PCSK6: variants seen among roughly 807,000 people sequenced by gnomAD.
PCSK6 encodes paired basic amino acid cleaving enzyme 4.
In PCSK6, 85 loss-of-function variants were observed where a neutral mutation model predicts 123.3. That is an observed-to-expected ratio of 0.69 (90% CI 0.58 to 0.83). The LOEUF is 0.83. PCSK6 is among the 40% of genes least tolerant of loss of function. PCSK6 has a pLI of 0.00. For missense variants in PCSK6, 1,191 were observed against 1,282.3 expected (o/e 0.93, Z 1.09); for synonymous variants, 508 against 516.0 (o/e 0.98, Z 0.21).
intron 13 of PCSK6, among the ~76,000 whole-genome samples, chr15:101,353,215 CA>C (rs147409785): frequency 0.018 from 2,686 of 152,306 alleles, 86 homozygotes; most frequent in African/African-American, 0.061. Context: ...GAGACAGTGA[CA>C]GATCATCAGG....
chr15:101,361,956 C>CTTT (rs10639429), intron 13 of PCSK6, among the ~76,000 whole-genome samples: 5,664 of 111,422 alleles, frequency 0.051, 655 homozygotes, highest in African/African-American at 0.14. Context: ...CAAGGTGAAG[C>CTTT]TTTTTTTTTT....
chr15:101,420,283 CA>C (rs144881549), intron 6 of PCSK6, among the ~76,000 whole-genome samples: 11,849 of 150,176 alleles, frequency 0.079, 569 homozygotes, highest in East Asian at 0.18. Flanking sequence ...AGAGGAAATA[CA>C]AAACAGGTTT....
In PCSK6 at chr15:101,438,373, G is replaced by T. The variant is rs569207638; in HGVS notation, c.402+5183C>A. On this transcript the variant is annotated intron_variant, in intron 2 of 21. Coordinates refer to ENST00000611716, the MANE Select transcript of PCSK6 (RefSeq NM_002570.5). ...TTCTAAAGTATTTACATAGAAAGAA[G>T]TTGCTTATGTTACACACAACTTGCT... Among the ~76,000 whole-genome samples, 3 of 152,316 alleles carry T rather than the reference G, an allele frequency of 2.0e-5. No homozygotes were observed. The South Asian group carries it at 6.2e-4, about 32-fold the overall frequency.
chr15:101,338,691 T>C (rs770604380), intron 13 of PCSK6, among the ~76,000 whole-genome samples: 3 of 152,208 alleles, frequency 2.0e-5, no homozygotes, highest in Non-Finnish European at 4.4e-5. Context: ...ACTAGCACCA[T>C]GAGTTCCTTA....
Position 101,334,245 on chromosome 15 carries a change from AGTT to A in PCSK6, c.1859-2217_1859-2215del, listed in dbSNP as rs567888105. 283 of 125,268 alleles carry A rather than the reference AGTT, an allele frequency of 2.3e-3. 1 individual carries two copies. Among genetic ancestry groups the A allele is most frequent in the African/African-American group, 8.2e-3 (268 of 32,574 alleles). The allele number at this position is 125,268 out of a possible 1,614,324, so 7.8% of individuals were successfully genotyped here. ...TCACCGCTGCAGCAGTGACACAGGA[AGTT>A]GTTCTCACCGCTGCAGCAGTGACAC... On this transcript the variant is annotated intron_variant, in intron 13 of 21. Coordinates refer to ENST00000611716, the MANE Select transcript of PCSK6 (RefSeq NM_002570.5).
intron 2 of PCSK6, among the ~76,000 whole-genome samples, chr15:101,433,414 C>T (rs2056506649): frequency 1.3e-5 from 2 of 152,220 alleles, no homozygotes; most frequent in African/African-American, 4.8e-5. Context: ...CTTACCACGG[C>T]AGCTCCACCT....
At chr15:101,385,320 C>T (rs1596268634) in intron 9 of PCSK6, among the ~76,000 whole-genome samples, 1 of 152,130 alleles carries the variant, frequency 6.6e-6, no homozygotes, top group Non-Finnish European at 1.5e-5. Flanking sequence ...ACCTGGCCCA[C>T]CTTTTTCTTT....
At chr15:101,448,764 T>C (rs1347806750) in intron 1 of PCSK6, among the ~76,000 whole-genome samples, 1 of 152,204 alleles carries the variant, frequency 6.6e-6, no homozygotes, top group Non-Finnish European at 1.5e-5. Flanking sequence ...ATGGTTAAGA[T>C]TGTTAGTTAC....
intron 13 of PCSK6, among the ~76,000 whole-genome samples, chr15:101,345,001 A>C (rs117300976): frequency 4.6e-5 from 7 of 152,212 alleles, no homozygotes; most frequent in Non-Finnish European, 7.4e-5. Context: ...GTATGCCTTT[A>C]GTGAAACTAC....
At chr15:101,431,235 G>A (rs1187367858) in intron 4 of PCSK6, 85 bp downstream of exon 4, 14 of 1,414,284 alleles carry the variant, frequency 9.9e-6, no homozygotes, top group Non-Finnish European at 1.4e-5. Flanking sequence ...GGGGAGATCG[G>A]GACCTTACTG....
intron 1 of PCSK6, among the ~76,000 whole-genome samples, chr15:101,469,676 G>A (rs1042755352): frequency 2.0e-5 from 3 of 152,282 alleles, no homozygotes; most frequent in Middle Eastern, 3.4e-3. Context: ...GCCTCGCTGG[G>A]AGCCGGTGAG....
intron 1 of PCSK6, among the ~76,000 whole-genome samples, chr15:101,462,556 T>C (rs186290934): frequency 1.3e-5 from 2 of 152,294 alleles, no homozygotes; most frequent in African/African-American, 4.8e-5. Context: ...TGTGAGGCAC[T>C]GGGTCAGAGA....
intron 1 of PCSK6, among the ~76,000 whole-genome samples, chr15:101,455,852 G>A (rs1483381666): frequency 1.3e-5 from 2 of 152,336 alleles, no homozygotes; most frequent in Non-Finnish European, 2.9e-5. Context: ...ATCCTTTCCC[G>A]GTTGCAAAGC....
chr15:101,379,154 A>G (rs1480912024), intron 11 of PCSK6, among the ~76,000 whole-genome samples: 1 of 152,218 alleles, frequency 6.6e-6, no homozygotes, highest in Non-Finnish European at 1.5e-5. Context: ...CACAGGAGGG[A>G]CATGCAGAAG....
At chr15:101,473,650 G>C (rs2057657695) in intron 1 of PCSK6, among the ~76,000 whole-genome samples, 3 of 152,170 alleles carry the variant, frequency 2.0e-5, no homozygotes, top group African/African-American at 7.2e-5. Context: ...GGCCGAGGTG[G>C]GTGGATCACC....
rs56844456 is a variant in PCSK6 at position 101,352,137 on chromosome 15, A to ATTTT, written c.1858+14055_1858+14058dup. Among the ~76,000 whole-genome samples the ATTTT allele has an allele frequency of 1.1e-3, 103 of 97,014 alleles. 6 individuals are homozygous for ATTTT. The highest frequency in any genetic ancestry group is 2.1e-3 in the African/African-American group (48 of 22,902). 63.6% of individuals were successfully genotyped at this position (97,014 alleles called of 152,430 possible). A position where few individuals can be genotyped will look rare whatever the true frequency, so the allele number is the denominator to read the frequency against. On this transcript the variant is annotated intron_variant, in intron 13 of 21. Coordinates refer to ENST00000611716, the MANE Select transcript of PCSK6 (RefSeq NM_002570.5). ...AAAATATTTTATAAATATTTTTCTA[A>ATTTT]TTTTTTTTTTTTTTTTTTTTTTTTT...
intron 19 of PCSK6, chr15:101,316,539 G>C (rs1239671403): frequency 2.0e-5 from 3 of 152,234 alleles, no homozygotes; most frequent in Non-Finnish European, 2.9e-5. Flanking sequence ...TAATCCATCT[G>C]GGCTAAATAA....
intron 1 of PCSK6, among the ~76,000 whole-genome samples, chr15:101,482,783 ATT>A (rs2057922353): frequency 1.0e-5 from 1 of 100,066 alleles, no homozygotes; most frequent in African/African-American, 3.7e-5. Flanking sequence ...CTCAGTCCTG[ATT>A]CTGAGTCTGC....
rs756449399 is a variant in PCSK6 at position 101,305,339 on chromosome 15, G to A, written c.2829C>T (p.Cys943=). The part of the protein sequence containing the change: ...HTCSNADETF[C]EMVKSNRLCE... The stretch of plus-strand genomic sequence containing the variant: ...ACAGCCGGTTGGACTTCACCATCTC[G>A]CAGAATGTCTCGTCAGCTGGGGCCC... Residue 943 remains cysteine, a synonymous_variant, in exon 22 of 22, where the codon TGC becomes TGT. Coordinates refer to ENST00000611716, the MANE Select transcript of PCSK6 (RefSeq NM_002570.5). The surrounding 1 kb of genome is among the most constrained non-coding windows in gnomAD (Gnocchi z 4.8). The A allele has an allele frequency of 6.2e-6, 10 of 1,612,420 alleles. No homozygotes were observed. Among genetic ancestry groups the A allele is most frequent in the Middle Eastern group, 1.7e-4 (1 of 6,060 alleles).
Sources: allele counts gnomAD v4.1 joint callset (sites outside exome capture counted in the v4.1 genomes callset), GRCh38; gene constraint gnomAD v4.1.1; non-coding constraint Gnocchi (gnomAD v3.1); transcripts MANE v1.5; gene names NCBI Gene and HGNC (gene_info 2026-07-23, HGNC 2026-07-21).